The following GOLGB1 variants were observed in gnomAD, a reference collection of about 807,000 sequenced individuals.
The protein encoded by GOLGB1 is golgin B1.
A neutral mutation model predicts 336.9 loss-of-function variants in GOLGB1; 174 were observed. The ratio of observed to expected loss-of-function variants is 0.52; its 90% CI spans 0.46 to 0.59. GOLGB1 has a LOEUF of 0.59. Ranked by LOEUF, GOLGB1 falls within the 20% of genes least tolerant of loss-of-function variation. The pLI is 0.00. For missense variants in GOLGB1, 3,331 were observed against 3,645.3 expected, an observed-to-expected ratio of 0.91 and a Z score of 2.22; for synonymous variants, 1,208 against 1,289.2, an observed-to-expected ratio of 0.94 and a Z score of 1.35.
At chr3:121,669,003 C>T (rs1332386626) in intron 18 of GOLGB1, among the ~76,000 whole-genome samples, 1 of 152,182 alleles carries the variant, frequency 6.6e-6, no homozygotes, top group African/African-American at 2.4e-5. Flanking sequence ...TGATTTCTCT[C>T]CCACCATCTC....
intron 21 of GOLGB1, 75 bp from the exon 22 acceptor site, chr3:121,664,689 A>G (rs1222343860): frequency 5.6e-6 from 8 of 1,425,112 alleles, no homozygotes; most frequent in African/African-American, 5.6e-5. Context: ...CTAGTCTTGC[A>G]CTTAAGCAAA....
chr3:121,688,711 G>C (rs1942057672), intron 14 of GOLGB1, among the ~76,000 whole-genome samples: 1 of 151,780 alleles, frequency 6.6e-6, no homozygotes, highest in Non-Finnish European at 1.5e-5. Context: ...GAGCGTCTCT[G>C]CCCGGCCGCC....
rs892772508 is a variant in GOLGB1, at chr3:121,685,138, C to T, written c.8695-3273G>A. On this transcript the variant is annotated intron_variant, in intron 14 of 21. Coordinates refer to ENST00000614479, the MANE Select transcript of GOLGB1 (RefSeq NM_001366282.2). ...GAAAATAAAAGTAACATGTCTCTAA[C>T]GCTCTAGTAGCATTTGTAGTCATAA... is the stretch of plus-strand genomic sequence containing the variant. Among the ~76,000 whole-genome samples the T allele has an allele frequency of 1.1e-4, 16 of 152,288 alleles. 1 individual carries two copies. Among genetic ancestry groups the T allele is most frequent in the African/African-American group, 2.4e-4 (10 of 41,560 alleles).
intron 5 of GOLGB1, 110 bp from the exon 6 acceptor site, chr3:121,722,488 C>T (rs1233812015): frequency 1.6e-6 from 1 of 615,406 alleles, no homozygotes; most frequent in East Asian, 2.7e-5. Flanking sequence ...TACCATATTT[C>T]CTTCTAGTTT....
Position 121,696,971 on chromosome 3 carries a change from C to A in GOLGB1, c.3552G>T (p.Lys1184Asn). The A allele has an allele frequency of 6.2e-7, 1 of 1,614,090 alleles. No individual in the cohort carries two copies. Among genetic ancestry groups the A allele is most frequent in the Non-Finnish European group, 8.5e-7 (1 of 1,179,992 alleles). The change falls in exon 13 of 22, where the codon AAG (lysine) becomes AAT (asparagine). Residue 1184 changes from lysine (K) to asparagine (N), a missense_variant. Lys to Asn is a moderately conservative substitution (Grantham distance 94, BLOSUM62 0). Coordinates refer to ENST00000614479, the MANE Select transcript of GOLGB1 (RefSeq NM_001366282.2). ...LEKEKEQLQKKLQEALTSRKA... is the reference protein window; with the variant it reads ...LEKEKEQLQKNLQEALTSRKA... ...TGCGGGAGGTTAAGGCTTCCTGTAG[C>A]TTCTTTTGAAGTTGCTCCTTTTCTT...
intron 6 of GOLGB1, 42 bp downstream of exon 6, chr3:121,722,220 T>C (rs528755502): frequency 1.8e-6 from 2 of 1,101,706 alleles, no homozygotes; most frequent in Non-Finnish European, 2.8e-6. Flanking sequence ...AATAACCCAC[T>C]GGACTTCATA....
Position 121,727,132 on chromosome 3 carries a change from T to C in GOLGB1, c.403-91A>G. On this transcript the variant is annotated intron_variant, in intron 4 of 21. Coordinates refer to ENST00000614479, the MANE Select transcript of GOLGB1 (RefSeq NM_001366282.2). ...TTCTAATTTTTCATTTACAACCATT[T>C]AGTTATAATTTTATTAAACTGATGG... The C allele has an allele frequency of 5.8e-6, 4 of 694,708 alleles. No individual in the cohort carries two copies. In the South Asian group the frequency reaches 1.2e-4, roughly 22 times the overall value. 43.0% of individuals were successfully genotyped at this position (694,708 alleles called of 1,614,324 possible).
chr3:121,676,878 A>C lies in GOLGB1; in HGVS notation c.9177+15T>G. The C allele has an allele frequency of 6.2e-7, 1 of 1,612,340 alleles. No individual in the cohort carries two copies. ...AAAAAAGAAACTGAATTCCAGTCTA[A>C]CAAGAAACACTTACGTTGCTGTTCA... is the stretch of plus-strand genomic sequence containing the variant. On this transcript the variant is annotated intron_variant, in intron 17 of 21. Transcript: ENST00000614479.
intron 1 of GOLGB1, among the ~76,000 whole-genome samples, chr3:121,740,982 C>A (rs1416473248): frequency 6.6e-6 from 1 of 150,544 alleles, no homozygotes. Flanking sequence ...GATCATATGA[C>A]CAGTAAGATA....
At position 121,707,398 on chromosome 3, in the gene GOLGB1, G is replaced by C. The variant is rs1388738786; in HGVS notation, c.1405-4803C>G. Among the ~76,000 whole-genome samples the C allele has an allele frequency of 3.3e-5, 5 of 151,518 alleles. No individual in the cohort carries two copies. The South Asian group carries it at 6.2e-4, about 19-fold the overall frequency. On this transcript the variant is annotated intron_variant, in intron 10 of 21. Coordinates refer to ENST00000614479, the MANE Select transcript of GOLGB1 (RefSeq NM_001366282.2). Reference sequence around the variant, plus strand: ...GCACTCTGGGAGGCCAAGGCAGGAGGATCATTTGAGCTCAGGAGGTTAAAA... The same window carrying C: ...GCACTCTGGGAGGCCAAGGCAGGAGCATCATTTGAGCTCAGGAGGTTAAAA...
intron 15 of GOLGB1, among the ~76,000 whole-genome samples, chr3:121,678,476 C>T (rs184238714): frequency 3.3e-5 from 5 of 152,296 alleles, no homozygotes; most frequent in African/African-American, 9.6e-5. Flanking sequence ...CTCTTGTCCT[C>T]TAGCATTGGT....
rs781261451 is a variant in GOLGB1, at chr3:121,667,493, G to C, written c.9537C>G (p.Ala3179=). 1.2e-6 allele frequency: 2 copies of C among 1,613,698 alleles called. No individual in the cohort carries two copies. The highest frequency in any genetic ancestry group is 1.1e-5 in the South Asian group (1 of 91,060). ...GCCTTTACCGTCTGATCTGCTCCTC[G>C]GCCACAGAGAGAGCATTCTCAGCAG... is the stretch of plus-strand genomic sequence containing the variant. ...RVAAENALSV[A]EEQIRRLEHS... is the part of the protein sequence containing the mutation. Residue 3179 remains alanine, a synonymous_variant, in exon 20 of 22, where the codon GCC becomes GCG. Transcript: ENST00000614479.
chr3:121,715,464 C>A (rs980603912), intron 9 of GOLGB1, among the ~76,000 whole-genome samples: 12 of 151,424 alleles, frequency 7.9e-5, no homozygotes, highest in Non-Finnish European at 1.6e-4. Context: ...TAATCCCCCC[C>A]ACCTTGACCT....
At chr3:121,716,704 A>G in intron 9 of GOLGB1, 33 bp downstream of exon 9, 1 of 1,530,866 alleles carries the variant, frequency 6.5e-7, no homozygotes, top group South Asian at 1.2e-5. Context: ...CAGATGGTAG[A>G]GATGTGGACT....
At position 121,690,959 on chromosome 3, in the gene GOLGB1, T is replaced by C. The variant is rs1340031201; in HGVS notation, c.8405A>G (p.Glu2802Gly). The C allele has an allele frequency of 1.9e-6, 3 of 1,614,208 alleles. No individual in the cohort carries two copies. Among genetic ancestry groups the C allele is most frequent in the South Asian group, 2.2e-5 (2 of 91,082 alleles). The stretch of plus-strand genomic sequence containing the variant: ...TTTCTCAAGGTGAGACAAGCTATTC[T>C]CCTCAGTGGAGTTCATTGAAAAGGC... ...ETAFSMNSTE[E>G]NSLSHLEKLN... The change falls in exon 14 of 22, where the codon GAG (glutamate) becomes GGG (glycine). Residue 2802 changes from glutamate to glycine, a missense_variant. Transcript: ENST00000614479.
chr3:121,737,234 A>G (rs1946533161), intron 1 of GOLGB1, among the ~76,000 whole-genome samples: 2 of 152,264 alleles, frequency 1.3e-5, no homozygotes, highest in African/African-American at 4.8e-5. Flanking sequence ...AAAGTCCATG[A>G]AAATGAGAAG....
chr3:121,726,433 C>CAAAAAAAAAAAAAAAAAAAGAAAA (rs1945608838), intron 5 of GOLGB1, among the ~76,000 whole-genome samples: 1 of 61,452 alleles, frequency 1.6e-5, no homozygotes, highest in African/African-American at 6.9e-5. Context: ...CACCCTGTCT[C>CAAAAAAAAAAAAAAAAAAAGAAAA]AAAAAAAAAA....
intron 11 of GOLGB1, among the ~76,000 whole-genome samples, chr3:121,701,877 G>A (rs997206475): frequency 6.6e-6 from 1 of 152,040 alleles, no homozygotes; most frequent in African/African-American, 2.4e-5. Context: ...TTAATACAAT[G>A]TTAAAAGTAT....
rs770028369 is a variant in GOLGB1 at position 121,697,968 on chromosome 3, A to G, written c.2555T>C (p.Val852Ala). Residue 852 changes from valine (V) to alanine (A), a missense_variant, in exon 13 of 22, where the codon GTG (valine) becomes GCG (alanine). Transcript: ENST00000614479. ...CCTTACACGTTCTGCCCCCTCAAGC[A>G]CTTCACTTTCCTTATTTTGCAGCTG... is the stretch of plus-strand genomic sequence containing the variant. ...QSQLQNKESE[V>A]LEGAERVRHI... is the part of the protein sequence containing the mutation. 8 of 1,614,084 alleles carry G rather than the reference A, an allele frequency of 5.0e-6. No individual in the cohort carries two copies. The South Asian group carries it at 8.8e-5, about 18-fold the overall frequency.
Sources: gnomAD v4.1 joint callset for allele counts (sites outside exome capture counted in the v4.1 genomes callset) on GRCh38, gnomAD v4.1.1 for gene constraint, MANE v1.5 for transcripts, NCBI Gene and HGNC (gene_info 2026-07-23, HGNC 2026-07-21) for gene names.